DOCK5: variants seen among roughly 807,000 people sequenced by gnomAD.
The protein encoded by DOCK5 is dedicator of cytokinesis 5.
Under a neutral mutation model 251.8 loss-of-function variants are expected in DOCK5, and 142 were observed. That is an observed-to-expected ratio of 0.56 (90% CI 0.49 to 0.65). DOCK5 has a LOEUF of 0.65. Ranked by LOEUF, DOCK5 falls within the 30% of genes least tolerant of loss-of-function variation. DOCK5 has a pLI of 0.00. For synonymous variants in DOCK5, 842 were observed against 835.5 expected, an observed-to-expected ratio of 1.01 and a Z score of -0.13; for missense variants, 2,111 against 2,312.3, an observed-to-expected ratio of 0.91 and a Z score of 1.79.
chr8:25,258,536 C>G (rs1803481732), intron 2 of DOCK5, among the ~76,000 whole-genome samples: 1 of 152,084 alleles, frequency 6.6e-6, no homozygotes, highest in African/African-American at 2.4e-5. Context: ...AGCAATGGCT[C>G]CTCTATTCTG....
rs1261294809 is a variant in DOCK5 at position 25,325,452 on chromosome 8, C to T, written c.1808C>T (p.Ser603Phe). Residue 603 changes from serine to phenylalanine, a missense_variant, in exon 18 of 52, where the codon TCC becomes TTC. Physicochemically the swap from Ser to Phe is radical, Grantham distance 155. Coordinates refer to ENST00000276440, the MANE Select transcript of DOCK5 (RefSeq NM_024940.8). ...MEMEEKELQA[S>F]KNLVTFTPSK... ...ATGGAAGAAAAAGAGCTTCAAGCAT[C>T]CAAAAACCTGGTCACCTTCACCCCA... is the stretch of plus-strand genomic sequence containing the variant. 6.2e-7 allele frequency: 1 copy of T among 1,613,336 alleles called. No homozygotes were observed. The highest frequency in any genetic ancestry group is 8.5e-7 in the Non-Finnish European group (1 of 1,179,448).
intron 20 of DOCK5, among the ~76,000 whole-genome samples, chr8:25,333,284 A>G (rs563634668): frequency 4.6e-5 from 7 of 152,326 alleles, no homozygotes; most frequent in Admixed American, 1.3e-4. Context: ...ATTTCAGGAC[A>G]GGATTTTACC....
intron 21 of DOCK5, among the ~76,000 whole-genome samples, chr8:25,335,721 C>T (rs759742838): frequency 1.3e-5 from 2 of 152,102 alleles, no homozygotes; most frequent in Non-Finnish European, 2.9e-5. Flanking sequence ...CCCAGAACAG[C>T]TTTATCTGTT....
In DOCK5 at chr8:25,308,914, A is replaced by G. The variant is rs761399320; in HGVS notation, c.1181A>G (p.His394Arg). The change falls in exon 12 of 52, where the codon CAC (histidine) becomes CGC (arginine). Residue 394 changes from histidine to arginine, a missense_variant. His to Arg is a conservative substitution (Grantham distance 29, BLOSUM62 0). Coordinates refer to ENST00000276440, the MANE Select transcript of DOCK5 (RefSeq NM_024940.8). ...GTGATTGCAGCAAAGGAAGTGAATC[A>G]CAAAGGGCAAGGTACAGTCCAGTGC... is the stretch of plus-strand genomic sequence containing the variant. ...NKVIAAKEVNHKGQGLWVSLK... is the reference protein window; with the variant it reads ...NKVIAAKEVNRKGQGLWVSLK... 5 of 1,613,814 alleles carry G rather than the reference A, an allele frequency of 3.1e-6. No individual in the cohort carries two copies. Among genetic ancestry groups the G allele is most frequent in the Non-Finnish European group, 4.2e-6 (5 of 1,179,740 alleles).
intron 45 of DOCK5, among the ~76,000 whole-genome samples, chr8:25,397,383 G>A (rs924283910): frequency 2.0e-5 from 3 of 152,168 alleles, no homozygotes; most frequent in East Asian, 3.9e-4. Flanking sequence ...TGGAGCAGAC[G>A]GTGTAATTGG....
chr8:25,302,531 A>G (rs902171220), intron 10 of DOCK5, 77 bp downstream of exon 10: 5 of 1,424,730 alleles, frequency 3.5e-6, no homozygotes, highest in Non-Finnish European at 4.6e-6. Context: ...TCAAAAAATT[A>G]AACATGGAAC....
At chr8:25,320,864 C>A in intron 15 of DOCK5, 116 bp from the exon 16 acceptor site, 1 of 822,930 alleles carries the variant, frequency 1.2e-6, no homozygotes, top group Non-Finnish European at 1.9e-6. Context: ...TACCAAATCT[C>A]ACTCTCTAGT....
intron 47 of DOCK5, 117 bp from the exon 48 acceptor site, chr8:25,403,441 A>T: frequency 9.4e-7 from 1 of 1,061,466 alleles, no homozygotes; most frequent in Non-Finnish European, 1.4e-6. Context: ...ATGGGGTGCC[A>T]GCCACATAAC....
At chr8:25,315,133 A>G (rs1344170455) in intron 13 of DOCK5, among the ~76,000 whole-genome samples, 1 of 138,694 alleles carries the variant, frequency 7.2e-6, no homozygotes, top group Admixed American at 7.9e-5. Flanking sequence ...GAGGGTAAAT[A>G]TTAAAATTCT....
intron 1 of DOCK5, among the ~76,000 whole-genome samples, chr8:25,226,208 C>T (rs1443536161): frequency 1.3e-5 from 2 of 151,314 alleles, no homozygotes; most frequent in Non-Finnish European, 2.9e-5. Context: ...TAGTATGTAT[C>T]CTCCACACTA....
At chr8:25,329,418 A>AATTCTCT (rs1454419385) in intron 18 of DOCK5, among the ~76,000 whole-genome samples, 2 of 152,198 alleles carry the variant, frequency 1.3e-5, no homozygotes, top group African/African-American at 4.8e-5. Flanking sequence ...ATTTTCAAGT[A>AATTCTCT]TACAGTATAC....
chr8:25,316,631 C>A (rs1805258776), intron 13 of DOCK5, among the ~76,000 whole-genome samples: 1 of 152,154 alleles, frequency 6.6e-6, no homozygotes, highest in Non-Finnish European at 1.5e-5. Context: ...AATAAGCACT[C>A]AATAGACAAT....
At chr8:25,410,943 G>GTGTGTT (rs1801613450) in intron 51 of DOCK5, among the ~76,000 whole-genome samples, 2 of 53,196 alleles carry the variant, frequency 3.8e-5, no homozygotes, top group Non-Finnish European at 7.0e-5. Flanking sequence ...GAGAAAATGT[G>GTGTGTT]TGTGTGTGTG....
chr8:25,188,070 G>T (rs1801477329), intron 1 of DOCK5, among the ~76,000 whole-genome samples: 1 of 152,186 alleles, frequency 6.6e-6, no homozygotes, highest in African/African-American at 2.4e-5. Flanking sequence ...TGATGTTGGG[G>T]TGCCGTTCTA....
intron 4 of DOCK5, 108 bp downstream of exon 4, chr8:25,275,549 C>T: frequency 2.6e-6 from 3 of 1,147,100 alleles, no homozygotes; most frequent in Non-Finnish European, 3.7e-6. Context: ...GTTCTCTCAT[C>T]TCAGGCCAGG....
At chr8:25,301,016 A>G (rs1804746761) in intron 9 of DOCK5, among the ~76,000 whole-genome samples, 1 of 152,190 alleles carries the variant, frequency 6.6e-6, no homozygotes, top group Non-Finnish European at 1.5e-5. Flanking sequence ...TCTGTGCAAC[A>G]TGGTAAAACC....
chr8:25,366,792 C>A, intron 30 of DOCK5, 78 bp from the exon 31 acceptor site: 1 of 1,052,890 alleles, frequency 9.5e-7, no homozygotes, highest in Non-Finnish European at 1.4e-6. Context: ...GACTTTTTAC[C>A]ATGTGACATT....
intron 6 of DOCK5, among the ~76,000 whole-genome samples, chr8:25,292,634 C>G (rs1039266289): frequency 6.6e-6 from 1 of 151,996 alleles, no homozygotes; most frequent in Non-Finnish European, 1.5e-5. Context: ...ACCTGTCATC[C>G]CACCTACTCG....
chr8:25,304,819 A>T (rs1011162642), intron 11 of DOCK5: 2 of 152,760 alleles, frequency 1.3e-5, no homozygotes, highest in African/African-American at 4.8e-5. Flanking sequence ...CACTGTCTGT[A>T]GCGAGGGTTT....
Sources: allele counts gnomAD v4.1 joint callset (sites outside exome capture counted in the v4.1 genomes callset), GRCh38; gene constraint gnomAD v4.1.1; transcripts MANE v1.5; gene names NCBI Gene and HGNC (gene_info 2026-07-23, HGNC 2026-07-21).